The following KLF12 variants were observed in gnomAD, a reference collection of about 807,000 sequenced individuals.
The protein encoded by KLF12 is KLF transcription factor 12.
KLF12 carries 9 observed loss-of-function variants against 37.8 expected under a neutral mutation model. The ratio of observed to expected loss-of-function variants is 0.24; its 90% CI spans 0.14 to 0.42. The LOEUF (loss-of-function observed/expected upper bound fraction) is 0.42, where lower values mean the gene tolerates loss of function less well. Ranked by LOEUF, KLF12 falls within the 10% of genes least tolerant of loss-of-function variation. The probability of loss-of-function intolerance (pLI) is 1.00; values close to 1 mark genes in which losing one functional copy is unlikely to be tolerated. For missense variants in KLF12, 411 were observed against 516.0 expected (o/e 0.80, Z 1.97); for synonymous variants, 208 against 202.1 (o/e 1.03, Z -0.25).
chr13:73,857,240 C>A (rs904558559), intron 3 of KLF12, among the ~76,000 whole-genome samples: 3 of 151,950 alleles, frequency 2.0e-5, no homozygotes, highest in African/African-American at 4.8e-5. Flanking sequence ...AGAGAACATC[C>A]CAGGGGCAAC....
intron 1 of KLF12, among the ~76,000 whole-genome samples, chr13:74,068,697 C>T (rs1874057334): frequency 6.6e-6 from 1 of 151,960 alleles, no homozygotes; most frequent in African/African-American, 2.4e-5. Context: ...GCTGGGACCA[C>T]AGGCATGCGT....
At chr13:73,760,255 T>G (rs1362798784) in intron 6 of KLF12, among the ~76,000 whole-genome samples, 1 of 152,176 alleles carries the variant, frequency 6.6e-6, no homozygotes, top group Non-Finnish European at 1.5e-5. Context: ...TAATAGAGAC[T>G]GGTAGTGGCA....
At chr13:74,289,131 G>A in the KLF12 span, 1 of 152,058 alleles carries the variant, frequency 6.6e-6, no homozygotes, top group Admixed American at 6.5e-5. Flanking sequence ...AGTGAGGAAG[G>A]GGGAAAGGGT....
chr13:74,182,498 C>G, the KLF12 span, among the ~76,000 whole-genome samples: 1 of 152,154 alleles, frequency 6.6e-6, no homozygotes, highest in Admixed American at 6.5e-5. Context: ...TAGGGGAGGT[C>G]CCAGGATTTA....
chr13:74,197,849 G>A, the KLF12 span, among the ~76,000 whole-genome samples: 4 of 152,116 alleles, frequency 2.6e-5, 1 homozygote, highest in South Asian at 8.3e-4. Flanking sequence ...TTTTGTCAAT[G>A]GCAGTCATCC....
chr13:73,984,159 T>C (rs912107396), intron 2 of KLF12, among the ~76,000 whole-genome samples: 2 of 152,160 alleles, frequency 1.3e-5, no homozygotes, highest in African/African-American at 2.4e-5. Context: ...AAGGAAAGAC[T>C]TGGTGGTGGA....
intron 1 of KLF12, among the ~76,000 whole-genome samples, chr13:74,048,425 T>G (rs1593856692): frequency 7.8e-6 from 1 of 127,932 alleles, no homozygotes; most frequent in Admixed American, 8.2e-5. Context: ...TCAAGGACTG[T>G]TTTTTTTTTC....
intron 5 of KLF12, among the ~76,000 whole-genome samples, chr13:73,775,354 T>C (rs1340824040): frequency 2.0e-5 from 3 of 152,262 alleles, no homozygotes; most frequent in Admixed American, 6.5e-5. Context: ...GAAAAAGAGA[T>C]GAAGGCATTT....
chr13:73,918,890 G>C (rs1888980915), intron 3 of KLF12, among the ~76,000 whole-genome samples: 1 of 152,136 alleles, frequency 6.6e-6, no homozygotes, highest in Non-Finnish European at 1.5e-5. Context: ...CCTGTTTTGA[G>C]TTGTGCTGCC....
the KLF12 span, among the ~76,000 whole-genome samples, chr13:74,140,172 A>G: frequency 6.6e-6 from 1 of 152,218 alleles, no homozygotes; most frequent in Non-Finnish European, 1.5e-5. Flanking sequence ...AACAGAGAAT[A>G]TGAGTTTATT....
chr13:74,048,044 C>G (rs970597489), intron 1 of KLF12, among the ~76,000 whole-genome samples: 24 of 152,180 alleles, frequency 1.6e-4, no homozygotes, highest in African/African-American at 5.1e-4. Context: ...GGGACACACC[C>G]AAATGGTTCA....
At chr13:73,725,308 G>A (rs118042238) in intron 6 of KLF12, among the ~76,000 whole-genome samples, 3 of 152,012 alleles carry the variant, frequency 2.0e-5, no homozygotes, top group African/African-American at 7.2e-5. Flanking sequence ...CACCATGTTC[G>A]CCAGCATGGT....
chr13:74,190,586 G>C, the KLF12 span, among the ~76,000 whole-genome samples: 15 of 152,198 alleles, frequency 9.9e-5, no homozygotes, highest in East Asian at 2.9e-3. Flanking sequence ...TATCCTCTTG[G>C]TTTCTAATCT....
chr13:74,237,864 A>G, the KLF12 span, among the ~76,000 whole-genome samples: 1 of 152,210 alleles, frequency 6.6e-6, no homozygotes, highest in Non-Finnish European at 1.5e-5. Flanking sequence ...TTTTCTAGAT[A>G]TACAATCATG....
At chr13:74,041,489 G>A (rs1208991685) in intron 1 of KLF12, among the ~76,000 whole-genome samples, 1 of 152,078 alleles carries the variant, frequency 6.6e-6, no homozygotes, top group Non-Finnish European at 1.5e-5. Flanking sequence ...TTAAGATGCT[G>A]ACTTACTCTC....
intron 1 of KLF12, among the ~76,000 whole-genome samples, chr13:74,074,325 G>C (rs986047490): frequency 1.3e-5 from 2 of 152,224 alleles, no homozygotes; most frequent in Non-Finnish European, 2.9e-5. Context: ...CAGGAAGACA[G>C]CATGTGTCCT....
At chr13:73,969,292 T>C (rs1891261345) in intron 2 of KLF12, among the ~76,000 whole-genome samples, 1 of 152,116 alleles carries the variant, frequency 6.6e-6, no homozygotes, top group Non-Finnish European at 1.5e-5. Context: ...TATATAAAAG[T>C]AGAGAAAGGG....
chr13:74,030,776 C>T (rs1418565432), intron 1 of KLF12, among the ~76,000 whole-genome samples: 1 of 152,098 alleles, frequency 6.6e-6, no homozygotes, highest in Non-Finnish European at 1.5e-5. Context: ...TCTTACTTCA[C>T]AAGATTTAGC....
chr13:73,781,436 A>G (rs1370837135), intron 5 of KLF12, among the ~76,000 whole-genome samples: 1 of 152,200 alleles, frequency 6.6e-6, no homozygotes, highest in Non-Finnish European at 1.5e-5. Context: ...TTTCTCCATC[A>G]TTGTTATTAC....
Sources: gnomAD v4.1 joint callset for allele counts (sites outside exome capture counted in the v4.1 genomes callset) on GRCh38, gnomAD v4.1.1 for gene constraint, MANE v1.5 for transcripts, NCBI Gene and HGNC (gene_info 2026-07-23, HGNC 2026-07-21) for gene names.